Variants in CHST8 observed in about 807,000 individuals in gnomAD.
CHST8 encodes carbohydrate sulfotransferase 8.
Under a neutral mutation model 15.0 loss-of-function variants are expected in CHST8, and 10 were observed. That is an observed-to-expected ratio of 0.67 (90% CI 0.41 to 1.13). CHST8 has a LOEUF of 1.13. Among genes scored for constraint, CHST8 ranks in the 50% most tolerant of loss-of-function variants. CHST8 has a pLI of 0.00. For synonymous variants in CHST8, 259 were observed against 256.6 expected (o/e 1.01, Z -0.09); for missense variants, 634 against 608.2 (o/e 1.04, Z -0.45).
chr19:33,720,250 G>T (rs973875567), intron 3 of CHST8, among the ~76,000 whole-genome samples: 2 of 150,404 alleles, frequency 1.3e-5, no homozygotes, highest in East Asian at 2.0e-4. Context: ...CCATACACAC[G>T]CCACACATAC....
chr19:33,753,450 CCCACCCA>C (rs1974462890), intron 3 of CHST8, among the ~76,000 whole-genome samples: 1 of 25,230 alleles, frequency 4.0e-5, no homozygotes, highest in Non-Finnish European at 7.5e-5. Context: ...CCTCCCACCA[CCCACCCA>C]CCATCCTCCC....
At chr19:33,698,619 C>T (rs1461907750) in intron 3 of CHST8, among the ~76,000 whole-genome samples, 1 of 151,264 alleles carries the variant, frequency 6.6e-6, no homozygotes, top group African/African-American at 2.4e-5. Flanking sequence ...GTTTCTGGCT[C>T]TAGAGGAGGG....
intron 3 of CHST8, among the ~76,000 whole-genome samples, chr19:33,740,366 G>A (rs1490339610): frequency 6.6e-6 from 1 of 152,198 alleles, no homozygotes; most frequent in Non-Finnish European, 1.5e-5. Context: ...TACTAAGTTT[G>A]AAGTCTGAGC....
chr19:33,681,567 T>G (rs772318594), intron 2 of CHST8, among the ~76,000 whole-genome samples: 2 of 152,180 alleles, frequency 1.3e-5, no homozygotes, highest in Non-Finnish European at 1.5e-5. Context: ...AGGGGTGCCC[T>G]TGACTGAAGC....
intron 1 of CHST8, among the ~76,000 whole-genome samples, chr19:33,633,903 G>T (rs1164276009): frequency 6.7e-6 from 1 of 148,286 alleles, no homozygotes; most frequent in Non-Finnish European, 1.5e-5. Flanking sequence ...CGTTCAGGTG[G>T]TCCTCCTGCT....
intron 3 of CHST8, among the ~76,000 whole-genome samples, chr19:33,745,739 G>A (rs1293481201): frequency 6.6e-6 from 1 of 152,204 alleles, no homozygotes; most frequent in African/African-American, 2.4e-5. Flanking sequence ...CTGAATTGAT[G>A]CAAGGGGGCT....
intron 1 of CHST8, among the ~76,000 whole-genome samples, chr19:33,652,067 A>AT (rs1190644135): frequency 6.6e-6 from 1 of 151,968 alleles, no homozygotes; most frequent in East Asian, 1.9e-4. Context: ...CTTTGACTAT[A>AT]TTTTTTTGTA....
At chr19:33,695,525 TG>T (rs1973192667) in intron 3 of CHST8, among the ~76,000 whole-genome samples, 1 of 152,144 alleles carries the variant, frequency 6.6e-6, no homozygotes, top group South Asian at 2.1e-4. Context: ...ACCCAAGCAG[TG>T]TACACCATAC....
intron 2 of CHST8, among the ~76,000 whole-genome samples, chr19:33,685,595 G>C (rs187286170): frequency 6.6e-6 from 1 of 152,128 alleles, no homozygotes; most frequent in African/African-American, 2.4e-5. Context: ...CCTTGTCATC[G>C]GAGCTGAGAG....
At chr19:33,675,300 C>T (rs1273486693) in intron 2 of CHST8, among the ~76,000 whole-genome samples, 4 of 152,184 alleles carry the variant, frequency 2.6e-5, no homozygotes, top group Non-Finnish European at 4.4e-5. Context: ...TCCCTTGTTG[C>T]GGATGGGGCT....
intron 3 of CHST8, among the ~76,000 whole-genome samples, chr19:33,711,428 G>T (rs888908763): frequency 4.6e-5 from 7 of 152,136 alleles, no homozygotes; most frequent in Non-Finnish European, 1.0e-4. Flanking sequence ...GACAATCCTA[G>T]TTTACACCTG....
At chr19:33,757,537 AAAGAAAG>A (rs1974616711) in intron 3 of CHST8, among the ~76,000 whole-genome samples, 1 of 78,142 alleles carries the variant, frequency 1.3e-5, no homozygotes, top group Non-Finnish European at 2.6e-5. Context: ...AGAAAGAAAG[AAAGAAAG>A]AAAGAAAGAA....
At chr19:33,694,317 C>G (rs1385920395) in intron 3 of CHST8, among the ~76,000 whole-genome samples, 1 of 149,762 alleles carries the variant, frequency 6.7e-6, no homozygotes, top group Admixed American at 6.7e-5. Flanking sequence ...GTGGGGCTAC[C>G]CCATGTTTCA....
At chr19:33,742,652 G>A (rs1036336656) in intron 3 of CHST8, among the ~76,000 whole-genome samples, 13 of 152,068 alleles carry the variant, frequency 8.5e-5, no homozygotes, top group African/African-American at 3.1e-4. Context: ...CATAACAGTG[G>A]GCAAAGAACT....
At chr19:33,719,714 G>A (rs982603295) in intron 3 of CHST8, among the ~76,000 whole-genome samples, 1 of 150,226 alleles carries the variant, frequency 6.7e-6, no homozygotes. Flanking sequence ...TAAAGAGGGG[G>A]ATGGGGACCT....
chr19:33,741,368 G>T (rs969643577), intron 3 of CHST8, among the ~76,000 whole-genome samples: 49 of 152,232 alleles, frequency 3.2e-4, no homozygotes, highest in Non-Finnish European at 1.0e-4. Context: ...ACAAAGAAGA[G>T]TTAAAATAAC....
chr19:33,726,041 C>G (rs1193839156), intron 3 of CHST8, among the ~76,000 whole-genome samples: 2 of 152,240 alleles, frequency 1.3e-5, no homozygotes, highest in African/African-American at 4.8e-5. Context: ...TTCTTGCATT[C>G]TCCCTCTTCC....
At chr19:33,767,545 C>T (rs1599642825) in intron 3 of CHST8, among the ~76,000 whole-genome samples, 4 of 152,356 alleles carry the variant, frequency 2.6e-5, no homozygotes, top group Admixed American at 2.6e-4. Context: ...TGGCAGTGCC[C>T]ATAACTCACG....
At chr19:33,676,494 C>T (rs1257124115) in intron 2 of CHST8, among the ~76,000 whole-genome samples, 1 of 152,050 alleles carries the variant, frequency 6.6e-6, no homozygotes, top group African/African-American at 2.4e-5. Flanking sequence ...CACTTGAACC[C>T]GGGAGGCAGA....
Sources: gnomAD v4.1 joint callset for allele counts (sites outside exome capture counted in the v4.1 genomes callset) on GRCh38, gnomAD v4.1.1 for gene constraint, MANE v1.5 for transcripts, NCBI Gene and HGNC (gene_info 2026-07-23, HGNC 2026-07-21) for gene names.